Variants in NRXN1 observed in about 807,000 individuals in gnomAD.
The protein encoded by NRXN1 is neurexin-1.
A neutral mutation model predicts 150.9 loss-of-function variants in NRXN1; 39 were observed. The ratio of observed to expected loss-of-function variants is 0.26; its 90% CI spans 0.20 to 0.34. The LOEUF (loss-of-function observed/expected upper bound fraction) is 0.34. NRXN1 is among the 10% of genes least tolerant of loss of function. The probability of loss-of-function intolerance (pLI) is 1.00; values close to 1 mark genes in which losing one functional copy is unlikely to be tolerated. For missense variants in NRXN1, 1,815 were observed against 1,949.9 expected, an observed-to-expected ratio of 0.93 and a Z score of 1.30; for synonymous variants, 924 against 757.0, an observed-to-expected ratio of 1.22 and a Z score of -3.62.
chr2:50,914,676 C>G (rs926929845), intron 5 of NRXN1, among the ~76,000 whole-genome samples: 1 of 151,566 alleles, frequency 6.6e-6, no homozygotes, highest in Non-Finnish European at 1.5e-5. Flanking sequence ...ACCCACAATA[C>G]GATACAAAAA....
intron 5 of NRXN1, among the ~76,000 whole-genome samples, chr2:50,920,196 T>C (rs560976344): frequency 2.6e-5 from 4 of 151,848 alleles, no homozygotes; most frequent in African/African-American, 9.6e-5. Flanking sequence ...CAAATTCCTG[T>C]CCTCTGTGTC....
intron 17 of NRXN1, among the ~76,000 whole-genome samples, chr2:50,416,717 C>T (rs1371516309): frequency 5.3e-5 from 8 of 151,798 alleles, no homozygotes. Context: ...AGGAGAAGTC[C>T]CAAGCAAAGA....
At chr2:50,426,035 G>A (rs115723949) in intron 17 of NRXN1, among the ~76,000 whole-genome samples, 1,611 of 152,222 alleles carry the variant, frequency 0.011, 31 homozygotes, top group African/African-American at 0.037. Flanking sequence ...CTTTCAAAAG[G>A]TAACTACTTG....
chr2:50,354,103 C>G (rs1027058783), intron 17 of NRXN1, among the ~76,000 whole-genome samples: 1 of 152,088 alleles, frequency 6.6e-6, no homozygotes, highest in African/African-American at 2.4e-5. Flanking sequence ...ACAGGCAGAT[C>G]AGTGTTCCCT....
intron 5 of NRXN1, among the ~76,000 whole-genome samples, chr2:50,745,906 G>A (rs998445339): frequency 6.6e-6 from 1 of 152,040 alleles, no homozygotes; most frequent in Non-Finnish European, 1.5e-5. Context: ...TTTGGGTGGG[G>A]ACATAGCTAA....
chr2:51,031,815 A>G (rs1397251456), intron 1 of NRXN1, among the ~76,000 whole-genome samples, 166 bp downstream of exon 1: 1 of 112,394 alleles, frequency 8.9e-6, no homozygotes, highest in South Asian at 2.9e-4. Context: ...TCTATTTAAA[A>G]GGCTTCATGC....
intron 17 of NRXN1, among the ~76,000 whole-genome samples, chr2:50,423,810 A>G (rs1438536745): frequency 6.6e-6 from 1 of 152,104 alleles, no homozygotes; most frequent in Non-Finnish European, 1.5e-5. Flanking sequence ...AGATGTCAGG[A>G]AAGTGCTTAC....
rs114452526 is a variant in NRXN1, at chr2:50,231,975, A to C, written c.3546+4814T>G. Among the ~76,000 whole-genome samples, 1,070 of 152,276 alleles carry C rather than the reference A, an allele frequency of 7.0e-3. 13 individuals carry two copies. Among genetic ancestry groups the C allele is most frequent in the African/African-American group, 0.024 (1,011 of 41,582 alleles). On this transcript the variant is annotated intron_variant, in intron 18 of 22. Transcript: ENST00000401669. ...GTAACTTAAACATGTCTTGTGTAAC[A>C]CTTCACAGTTTGCAAGTTATTTCTT... is the stretch of plus-strand genomic sequence containing the variant.
intron 5 of NRXN1, among the ~76,000 whole-genome samples, chr2:50,749,882 A>G (rs1700395734): frequency 1.3e-5 from 2 of 152,198 alleles, no homozygotes; most frequent in Admixed American, 1.3e-4. Context: ...AGATATCTTA[A>G]CTACCCCATC....
At chr2:50,328,571 G>A (rs961429205) in intron 17 of NRXN1, among the ~76,000 whole-genome samples, 2 of 151,470 alleles carry the variant, frequency 1.3e-5, no homozygotes, top group East Asian at 1.9e-4. Context: ...CCATCTTTAC[G>A]AAAAATACAA....
intron 8 of NRXN1, among the ~76,000 whole-genome samples, chr2:50,617,914 G>GA (rs1323058127): frequency 6.6e-6 from 1 of 152,080 alleles, no homozygotes; most frequent in African/African-American, 2.4e-5. Context: ...TACACACACA[G>GA]AAAAAAACTG....
intron 5 of NRXN1, among the ~76,000 whole-genome samples, chr2:50,823,601 C>G (rs1670034567): frequency 6.6e-6 from 1 of 151,986 alleles, no homozygotes; most frequent in African/African-American, 2.4e-5. Flanking sequence ...ATAAAAAGTC[C>G]TATTTTACCT....
intron 17 of NRXN1, among the ~76,000 whole-genome samples, chr2:50,240,779 T>A (rs1328785266): frequency 6.6e-6 from 1 of 151,682 alleles, no homozygotes; most frequent in African/African-American, 2.4e-5. Context: ...TAGAGCTCTA[T>A]CAGAATTACA....
chr2:50,383,244 T>A (rs1327446868), intron 17 of NRXN1, among the ~76,000 whole-genome samples: 5 of 152,136 alleles, frequency 3.3e-5, no homozygotes, highest in Admixed American at 3.3e-4. Context: ...TCATTCAGTA[T>A]TGAATTGACC....
chr2:50,440,080 C>T (rs1214829802), intron 17 of NRXN1, among the ~76,000 whole-genome samples: 1 of 152,148 alleles, frequency 6.6e-6, no homozygotes, highest in Non-Finnish European at 1.5e-5. Flanking sequence ...CACTTCAACT[C>T]ATCCTCAAGA....
At chr2:50,951,102 C>T (rs1691254092) in intron 2 of NRXN1, among the ~76,000 whole-genome samples, 2 of 152,258 alleles carry the variant, frequency 1.3e-5, no homozygotes, top group Admixed American at 1.3e-4. Flanking sequence ...TATTCAATTG[C>T]TCAAGGACAG....
At chr2:50,949,699 T>C (rs1690986359) in intron 2 of NRXN1, among the ~76,000 whole-genome samples, 1 of 152,062 alleles carries the variant, frequency 6.6e-6, no homozygotes, top group African/African-American at 2.4e-5. Context: ...ATAATAAAAG[T>C]ATCTTCTGAC....
intron 8 of NRXN1, among the ~76,000 whole-genome samples, chr2:50,561,246 T>A (rs1669030649): frequency 6.6e-6 from 1 of 152,232 alleles, no homozygotes; most frequent in African/African-American, 2.4e-5. Flanking sequence ...GCTCTATTTA[T>A]GAAGCTTTCA....
intron 19 of NRXN1, among the ~76,000 whole-genome samples, chr2:50,063,518 T>A (rs1037721366): frequency 1.3e-5 from 2 of 148,794 alleles, no homozygotes; most frequent in African/African-American, 2.5e-5. Flanking sequence ...TGCATCCCTG[T>A]GTACTCAACA....
Sources: gnomAD v4.1 joint callset for allele counts (sites outside exome capture counted in the v4.1 genomes callset) on GRCh38, gnomAD v4.1.1 for gene constraint, MANE v1.5 for transcripts, NCBI Gene and HGNC (gene_info 2026-07-23, HGNC 2026-07-21) for gene names.